Variants in AKR1C3 observed in about 807,000 individuals in gnomAD.
AKR1C3 encodes 3-alpha hydroxysteroid dehydrogenase, type II.
Under a neutral mutation model 43.6 loss-of-function variants are expected in AKR1C3, and 48 were observed. That is an observed-to-expected ratio of 1.10 (90% confidence interval 0.87 to 1.40). AKR1C3 has a LOEUF of 1.40. Ranked by LOEUF, AKR1C3 falls within the 40% of genes most tolerant of loss-of-function variation. AKR1C3 has a pLI of 0.00. For missense variants in AKR1C3, 482 were observed against 391.2 expected (o/e 1.23, Z -1.96); for synonymous variants, 162 against 139.6 (o/e 1.16, Z -1.13).
At chr10:5,074,646 G>A (rs1554781641) in intron 1 of AKR1C3, among the ~76,000 whole-genome samples, 1 of 152,180 alleles carries the variant, frequency 6.6e-6, no homozygotes, top group African/African-American at 2.4e-5. Context: ...TTTAGCCAAA[G>A]AGAAAATTCT....
chr10:5,094,558 T>C, intron 1 of AKR1C3, 30 bp downstream of exon 1: 1 of 1,609,814 alleles, frequency 6.2e-7, no homozygotes, highest in South Asian at 1.1e-5. Flanking sequence ...GTTTTCGGAT[T>C]TCAAAAGAAT....
At chr10:5,060,534 T>C (rs1192093083) in intron 1 of AKR1C3, among the ~76,000 whole-genome samples, 4 of 152,206 alleles carry the variant, frequency 2.6e-5, no homozygotes, top group Non-Finnish European at 5.9e-5. Flanking sequence ...TCGAGCTAGA[T>C]ACAGAGTGCC....
intron 1 of AKR1C3, among the ~76,000 whole-genome samples, chr10:5,064,716 G>A (rs987407122): frequency 6.6e-6 from 1 of 151,982 alleles, no homozygotes; most frequent in Non-Finnish European, 1.5e-5. Flanking sequence ...TAAAAAGTGG[G>A]GAAAATACGT....
chr10:5,100,506 C>A (rs1839320026), intron 5 of AKR1C3, among the ~76,000 whole-genome samples: 1 of 133,712 alleles, frequency 7.5e-6, no homozygotes, highest in South Asian at 2.2e-4. Context: ...GTCCTTTTTT[C>A]CCCCTGAGTT....
rs944348217 is a variant in AKR1C3 at position 5,094,980 on chromosome 10, G to T, written c.84+452G>T. On this transcript the variant is annotated intron_variant, in intron 1 of 8. Coordinates refer to ENST00000380554, the MANE Select transcript of AKR1C3 (RefSeq NM_003739.6). ...ACTGTCGGCAGAGTATCACTGTTCT[G>T]ATGGGCGGCAGTGAGTGCCACCCAG... is the stretch of plus-strand genomic sequence containing the variant. 7.9e-5 allele frequency among the ~76,000 whole-genome samples: 12 copies of T among 152,222 alleles called. No homozygotes were observed. In the South Asian group the frequency reaches 8.3e-4, roughly 11 times the overall value.
chr10:5,075,458 G>A (rs574616566), intron 1 of AKR1C3, among the ~76,000 whole-genome samples: 1 of 124,440 alleles, frequency 8.0e-6, no homozygotes, highest in South Asian at 2.9e-4. Flanking sequence ...CTGTGTTTTA[G>A]GAAATGTCAT....
rs1839293292 is a variant in AKR1C3, at chr10:5,099,392, G to A, written c.513G>A (p.Arg171=). Residue 171 remains arginine, a synonymous_variant, in exon 5 of 9, where the codon AGG becomes AGA. Coordinates refer to ENST00000380554, the MANE Select transcript of AKR1C3 (RefSeq NM_003739.6). ...KSIGVSNFNR[R]QLEMILNKPG... ...TTGGGGTGTCAAACTTCAACCGCAGGCAGCTGGAGATGATCCTCAACAAGC... is the reference window on the plus strand; with the variant it reads ...TTGGGGTGTCAAACTTCAACCGCAGACAGCTGGAGATGATCCTCAACAAGC... 1 of 1,614,140 alleles carries A rather than the reference G, an allele frequency of 6.2e-7. No homozygotes were observed. Among genetic ancestry groups the A allele is most frequent in the East Asian group, 2.2e-5 (1 of 44,862 alleles).
chr10:5,050,789 T>C (rs1222378733), intron 1 of AKR1C3, among the ~76,000 whole-genome samples: 1 of 152,240 alleles, frequency 6.6e-6, no homozygotes, highest in Non-Finnish European at 1.5e-5. Context: ...TTCCTGGATA[T>C]TGGACCCTGT....
chr10:5,095,471 CAAA>C (rs1468963309), intron 1 of AKR1C3, among the ~76,000 whole-genome samples: 4 of 142,766 alleles, frequency 2.8e-5, no homozygotes, highest in Non-Finnish European at 6.1e-5. Flanking sequence ...AGACTGCTCT[CAAA>C]AAAGATTTAA....
intron 1 of AKR1C3, among the ~76,000 whole-genome samples, chr10:5,083,736 C>G (rs1405405057): frequency 6.6e-6 from 1 of 152,138 alleles, no homozygotes; most frequent in Non-Finnish European, 1.5e-5. Context: ...CTCTCCAGCA[C>G]CTGTTGTTTC....
At chr10:5,066,816 A>AT (rs1260364880) in intron 1 of AKR1C3, among the ~76,000 whole-genome samples, 4 of 152,216 alleles carry the variant, frequency 2.6e-5, no homozygotes, top group Admixed American at 6.5e-5. Context: ...ATCCAACTCT[A>AT]TTATAACTTT....
chr10:5,085,483 T>C (rs1363500372), intron 1 of AKR1C3, among the ~76,000 whole-genome samples: 1 of 151,892 alleles, frequency 6.6e-6, no homozygotes, highest in Admixed American at 6.5e-5. Flanking sequence ...TTTGCCAGTA[T>C]TTTATTGAGG....
At chr10:5,088,824 G>A (rs1441111658) in intron 1 of AKR1C3, among the ~76,000 whole-genome samples, 3 of 151,876 alleles carry the variant, frequency 2.0e-5, no homozygotes, top group Non-Finnish European at 4.4e-5. Context: ...CTAGATATAT[G>A]AGCTTTTGTT....
intron 1 of AKR1C3, among the ~76,000 whole-genome samples, chr10:5,061,657 G>T (rs1464485590): frequency 6.6e-6 from 1 of 152,178 alleles, no homozygotes; most frequent in East Asian, 1.9e-4. Context: ...AGTCAGGCCT[G>T]GACCTCTGAT....
intron 1 of AKR1C3, among the ~76,000 whole-genome samples, chr10:5,088,408 A>T (rs1303559092): frequency 2.0e-5 from 3 of 151,898 alleles, no homozygotes; most frequent in Non-Finnish European, 4.4e-5. Flanking sequence ...GATCTGCAAC[A>T]TTTATAAGTG....
At chr10:5,101,984 C>T in intron 5 of AKR1C3, 117 bp from the exon 6 acceptor site, 2 of 639,614 alleles carry the variant, frequency 3.1e-6, no homozygotes, top group Non-Finnish European at 5.4e-6. Flanking sequence ...ACAATAATAT[C>T]CTCAGCTCAA....
upstream of AKR1C3, among the ~76,000 whole-genome samples, chr10:5,092,023 T>A (rs1839102267): frequency 6.6e-6 from 1 of 151,800 alleles, no homozygotes; most frequent in South Asian, 2.1e-4. Context: ...TCACATTGTA[T>A]TAATAACTTT....
chr10:5,056,607 G>A (rs1838266810), intron 1 of AKR1C3, among the ~76,000 whole-genome samples: 1 of 152,176 alleles, frequency 6.6e-6, no homozygotes, highest in African/African-American at 2.4e-5. Context: ...AAAGTGGTGG[G>A]ATCCTTTAAC....
At chr10:5,065,226 C>T (rs1838475502) in intron 1 of AKR1C3, among the ~76,000 whole-genome samples, 1 of 152,196 alleles carries the variant, frequency 6.6e-6, no homozygotes, top group African/African-American at 2.4e-5. Flanking sequence ...AACAAAATTA[C>T]TATTCAACCG....
Sources: gnomAD v4.1 joint callset for allele counts (sites outside exome capture counted in the v4.1 genomes callset) on GRCh38, gnomAD v4.1.1 for gene constraint, MANE v1.5 for transcripts, NCBI Gene and HGNC (gene_info 2026-07-23, HGNC 2026-07-21) for gene names.